Variants in XPNPEP1 observed in about 807,000 individuals in gnomAD.
The protein encoded by XPNPEP1 is X-prolyl aminopeptidase 1.
In XPNPEP1, 39 loss-of-function variants were observed where a neutral mutation model predicts 92.4. The observed-to-expected ratio is 0.42, with a 90% CI of 0.33 to 0.55. XPNPEP1 has a LOEUF of 0.55. Among genes scored for constraint, XPNPEP1 ranks in the 20% least tolerant of loss-of-function variants. The pLI, the probability that XPNPEP1 is intolerant of heterozygous loss-of-function variation, is 0.08. For missense variants in XPNPEP1, 654 were observed against 856.1 expected, an observed-to-expected ratio of 0.76 and a Z score of 2.95; for synonymous variants, 307 against 299.4, an observed-to-expected ratio of 1.03 and a Z score of -0.26.
intron 3 of XPNPEP1, among the ~76,000 whole-genome samples, chr10:109,898,264 T>C (rs188797793): frequency 3.3e-4 from 51 of 152,284 alleles, no homozygotes; most frequent in Non-Finnish European, 5.7e-4. Context: ...AGGTGTGACA[T>C]AAAGCAATTA....
rs1443401793 is a variant in XPNPEP1 at position 109,877,694 on chromosome 10, G to A, written c.1319+96C>T. ...CAGTCTCAACAGACAGATGAAGGTG[G>A]GCACAGAGGCCTCTGGTAAAATAAT... is the stretch of plus-strand genomic sequence containing the variant. On this transcript the variant is annotated intron_variant, in intron 14 of 20. Transcript: ENST00000502935. The A allele has an allele frequency of 2.9e-6, 4 of 1,401,578 alleles. 1 individual carries two copies. Among genetic ancestry groups the A allele is most frequent in the East Asian group, 4.6e-5 (2 of 43,818 alleles). 86.8% of individuals were successfully genotyped at this position (1,401,578 alleles called of 1,614,324 possible). A position where few individuals can be genotyped will look rare whatever the true frequency, so the allele number is the denominator to read the frequency against.
At chr10:109,871,997 A>C (rs914683738) in intron 16 of XPNPEP1, 136 bp from the exon 17 acceptor site, 9 of 855,194 alleles carry the variant, frequency 1.1e-5, no homozygotes, top group Non-Finnish European at 1.6e-5. Context: ...AAAGAAAAAA[A>C]TCTGGTGGAA....
intron 3 of XPNPEP1, among the ~76,000 whole-genome samples, chr10:109,898,034 C>G (rs1022500162): frequency 3.3e-5 from 5 of 152,190 alleles, no homozygotes; most frequent in African/African-American, 9.7e-5. Context: ...TTGTACACAT[C>G]TAGTCTCACA....
At chr10:109,890,288 C>A (rs182031960) in intron 5 of XPNPEP1, among the ~76,000 whole-genome samples, 2 of 152,316 alleles carry the variant, frequency 1.3e-5, no homozygotes, top group Middle Eastern at 3.4e-3. Context: ...GAGATGCCTG[C>A]TCCCCAGGGG....
At chr10:109,897,601 CT>C (rs1329512886) in intron 3 of XPNPEP1, among the ~76,000 whole-genome samples, 1 of 151,972 alleles carries the variant, frequency 6.6e-6, no homozygotes, top group Non-Finnish European at 1.5e-5. Context: ...AAATAACTAA[CT>C]TCCCCAAGGT....
chr10:109,913,656 G>A (rs1482710302), intron 2 of XPNPEP1, among the ~76,000 whole-genome samples: 1 of 152,152 alleles, frequency 6.6e-6, no homozygotes, highest in Non-Finnish European at 1.5e-5. Context: ...CAGGAACCGG[G>A]ACTCAAGGTC....
At position 109,907,766 on chromosome 10, in the gene XPNPEP1, T is replaced by C. The variant is rs775366572; in HGVS notation, c.171A>G (p.Arg57=). The C allele has an allele frequency of 6.2e-7, 1 of 1,614,210 alleles. No individual in the cohort carries two copies. Among genetic ancestry groups the C allele is most frequent in the Non-Finnish European group, 8.5e-7 (1 of 1,180,032 alleles). The change falls in exon 3 of 21, where the codon AGA becomes AGG. Residue 57 remains arginine, a synonymous_variant. Transcript: ENST00000502935. ...KVTSELLRQL[R]QAMRNSEYVT... ...CATACTCAGAGTTCCTCATGGCTTG[T>C]CTCAGCTGCCGAAGCAGCTCTGAAG... is the stretch of plus-strand genomic sequence containing the variant.
chr10:109,880,241 G>A lies in XPNPEP1; in HGVS notation c.1132-3C>T, dbSNP rs1380735788. ...CAGAGAGCAACAGCATCTTTAATCT[G>A]TGCAAACAATGGAGACATTTTTTAA... is the stretch of plus-strand genomic sequence containing the variant. On this transcript the variant is annotated splice_region_variant and splice_polypyrimidine_tract_variant and intron_variant, in intron 11 of 20. Transcript: ENST00000502935. The A allele has an allele frequency of 1.2e-6, 2 of 1,613,776 alleles. No homozygotes were observed. The highest frequency in any genetic ancestry group is 1.7e-5 in the Admixed American group (1 of 60,028).
chr10:109,913,101 A>G (rs1340405893), intron 2 of XPNPEP1, among the ~76,000 whole-genome samples: 1 of 152,246 alleles, frequency 6.6e-6, no homozygotes, highest in Non-Finnish European at 1.5e-5. Context: ...TAGCCCATAC[A>G]CTGCCAGGTA....
intron 7 of XPNPEP1, among the ~76,000 whole-genome samples, chr10:109,887,697 G>A (rs1174365930): frequency 6.6e-6 from 1 of 152,218 alleles, no homozygotes; most frequent in Non-Finnish European, 1.5e-5. Context: ...GCTGACATAA[G>A]AAGGGAAATG....
chr10:109,923,235 C>T (rs1850656606), intron 1 of XPNPEP1, 167 bp downstream of exon 1: 1 of 985,376 alleles, frequency 1.0e-6, no homozygotes. Flanking sequence ...TCATGGACCC[C>T]TTCCCCCGGC....
chr10:109,889,813 C>A (rs1336847769), intron 5 of XPNPEP1, among the ~76,000 whole-genome samples: 1 of 152,136 alleles, frequency 6.6e-6, no homozygotes, highest in Non-Finnish European at 1.5e-5. Flanking sequence ...AACCACATAA[C>A]CATAGAAGGG....
rs569618037 is a variant in XPNPEP1, at chr10:109,870,945, G to T, written c.1523-41C>A. 1,116 of 1,574,730 alleles carry T rather than the reference G, an allele frequency of 7.1e-4. 12 individuals are homozygous for T. In the South Asian group the frequency reaches 0.011, roughly 15 times the overall value. On this transcript the variant is annotated intron_variant, in intron 17 of 20. Transcript: ENST00000502935. ...AGCCACTTAATTGTATTTGTACAGC[G>T]CTTTAGAGATTAAATTTATTATGTG...
At chr10:109,885,978 C>G (rs1225560358) in intron 8 of XPNPEP1, among the ~76,000 whole-genome samples, 1 of 152,202 alleles carries the variant, frequency 6.6e-6, no homozygotes, top group African/African-American at 2.4e-5. Flanking sequence ...AATGCCCTTC[C>G]TCAGAGGTGC....
rs576207537 is a variant in XPNPEP1, at chr10:109,881,136, T to G, written c.1042-205A>C. 2.1e-3 allele frequency among the ~76,000 whole-genome samples: 319 copies of G among 152,030 alleles called. 1 individual carries two copies. The highest frequency in any genetic ancestry group is 3.4e-3 in the Middle Eastern group (1 of 294). ...TGAGCTTAAGCTCAACCAAAAAGAG[T>G]AAGTACATCAAACAAGGTGTCTCTC... On this transcript the variant is annotated intron_variant, in intron 10 of 20. Coordinates refer to ENST00000502935, the MANE Select transcript of XPNPEP1 (RefSeq NM_020383.4).
chr10:109,902,786 C>T (rs1849354125), intron 3 of XPNPEP1, among the ~76,000 whole-genome samples: 2 of 152,302 alleles, frequency 1.3e-5, no homozygotes, highest in South Asian at 4.1e-4. Flanking sequence ...GATGTTGCTA[C>T]AAAACACATC....
At chr10:109,901,326 G>A (rs1849279089) in intron 3 of XPNPEP1, among the ~76,000 whole-genome samples, 1 of 151,498 alleles carries the variant, frequency 6.6e-6, no homozygotes, top group Non-Finnish European at 1.5e-5. Context: ...GAGTTAATGG[G>A]TGCAGCACAC....
At chr10:109,873,657 A>T in intron 15 of XPNPEP1, 1 of 531,062 alleles carries the variant, frequency 1.9e-6, no homozygotes, top group South Asian at 2.6e-5. Flanking sequence ...GAAAACATAC[A>T]TCCACACAAA....
rs1236531828 is a variant in XPNPEP1, at chr10:109,888,245, G to C, written c.509-53C>G. 3.2e-6 allele frequency: 5 copies of C among 1,583,518 alleles called. No homozygotes were observed. The East Asian group carries it at 1.1e-4, about 35-fold the overall frequency. On this transcript the variant is annotated intron_variant, in intron 6 of 20. Transcript: ENST00000502935. ...TGAGCCGAACGCCCATTGCAGCAGG[G>C]CAGGGAGCAGGGCCTTGAAAGTCCA...
Sources: gnomAD v4.1 joint callset for allele counts (sites outside exome capture counted in the v4.1 genomes callset) on GRCh38, gnomAD v4.1.1 for gene constraint, MANE v1.5 for transcripts, NCBI Gene and HGNC (gene_info 2026-07-23, HGNC 2026-07-21) for gene names.